The following CCDC170 variants were observed in gnomAD, a reference collection of about 807,000 sequenced individuals.
CCDC170 encodes the protein coiled-coil domain containing 170.
In CCDC170, 69 loss-of-function variants were observed where a neutral mutation model predicts 72.6. The observed-to-expected ratio is 0.95, with a 90% CI of 0.78 to 1.16. The LOEUF is 1.16. Ranked by LOEUF, CCDC170 falls within the 50% of genes most tolerant of loss-of-function variation. CCDC170 has a pLI of 0.00. For missense variants in CCDC170, 852 were observed against 832.5 expected (o/e 1.02, Z -0.29); for synonymous variants, 300 against 303.9 (o/e 0.99, Z 0.13).
At chr6:151,514,640 T>G (rs904175187) in intron 1 of CCDC170, among the ~76,000 whole-genome samples, 5 of 152,134 alleles carry the variant, frequency 3.3e-5, no homozygotes, top group Admixed American at 2.6e-4. Context: ...AATGTGGGTT[T>G]TGGCTGATAG....
At chr6:151,505,587 G>A (rs1477170872) in intron 1 of CCDC170, among the ~76,000 whole-genome samples, 1 of 152,114 alleles carries the variant, frequency 6.6e-6, no homozygotes, top group Non-Finnish European at 1.5e-5. Flanking sequence ...GGGAGGTTGA[G>A]GCAGGAGAAT....
At chr6:151,519,142 G>T (rs1222471352) in intron 1 of CCDC170, among the ~76,000 whole-genome samples, 1 of 152,096 alleles carries the variant, frequency 6.6e-6, no homozygotes, top group Admixed American at 6.6e-5. Flanking sequence ...TGAGGGTACT[G>T]CAAGAGACCA....
chr6:151,614,690 G>A (rs892220977), intron 9 of CCDC170, among the ~76,000 whole-genome samples: 5 of 149,838 alleles, frequency 3.3e-5, no homozygotes, highest in South Asian at 2.1e-4. Context: ...GGCTGATCTC[G>A]AACTCCTGAC....
intron 2 of CCDC170, among the ~76,000 whole-genome samples, chr6:151,537,690 G>T (rs1477355198): frequency 6.6e-6 from 1 of 152,166 alleles, no homozygotes; most frequent in Non-Finnish European, 1.5e-5. Context: ...ATGGTTTGTA[G>T]GTTCCTTGTC....
At chr6:151,502,102 T>C (rs1782002099) in intron 1 of CCDC170, among the ~76,000 whole-genome samples, 1 of 152,176 alleles carries the variant, frequency 6.6e-6, no homozygotes, top group African/African-American at 2.4e-5. Context: ...TGTTCAGATA[T>C]TGCTCATAAA....
At chr6:151,575,965 G>T (rs1776296345) in intron 6 of CCDC170, among the ~76,000 whole-genome samples, 1 of 152,150 alleles carries the variant, frequency 6.6e-6, no homozygotes, top group Non-Finnish European at 1.5e-5. Context: ...ACTTGAGAAA[G>T]AAAATGATTT....
At position 151,535,324 on chromosome 6, in the gene CCDC170, T is replaced by G. The variant is rs139726498; in HGVS notation, c.58-994T>G. 2.0e-4 allele frequency among the ~76,000 whole-genome samples: 30 copies of G among 152,294 alleles called. No individual in the cohort carries two copies. In the East Asian group the frequency reaches 5.4e-3, roughly 27 times the overall value. ...TTATTTCTGTATCTGCAACCACCAG[T>G]GGAGCTGAGACCTGTTCCCTTCCAG... On this transcript the variant is annotated intron_variant, in intron 1 of 10. Transcript: ENST00000239374.
At chr6:151,556,674 A>T (rs189435897) in intron 5 of CCDC170, among the ~76,000 whole-genome samples, 1 of 151,474 alleles carries the variant, frequency 6.6e-6, no homozygotes, top group African/African-American at 2.4e-5. Flanking sequence ...ATGTGTAAGG[A>T]TGAAGTCAAG....
intron 1 of CCDC170, among the ~76,000 whole-genome samples, chr6:151,500,433 A>C (rs1192306228): frequency 6.6e-6 from 1 of 152,070 alleles, no homozygotes; most frequent in Non-Finnish European, 1.5e-5. Context: ...AAAGAAATAC[A>C]AACATATCAG....
Position 151,616,472 on chromosome 6 carries a change from T to C in CCDC170, c.1947+793T>C, listed in dbSNP as rs554646036. On this transcript the variant is annotated intron_variant, in intron 10 of 10. Coordinates refer to ENST00000239374, the MANE Select transcript of CCDC170 (RefSeq NM_025059.4). ...GGACTCTGATCCTAGGATTTTTTTTTCCCTGCTTTGGCTGCCTCTGTTTTG... is the reference window on the plus strand; with the variant it reads ...GGACTCTGATCCTAGGATTTTTTTTCCCCTGCTTTGGCTGCCTCTGTTTTG... Among the ~76,000 whole-genome samples the C allele has an allele frequency of 9.3e-4, 141 of 152,136 alleles. 1 individual carries two copies. In the South Asian group the frequency reaches 0.013, roughly 14 times the overall value.
chr6:151,590,146 C>T (rs1776512965), intron 7 of CCDC170, among the ~76,000 whole-genome samples: 1 of 152,166 alleles, frequency 6.6e-6, no homozygotes, highest in Non-Finnish European at 1.5e-5. Context: ...CTTTTGCTCT[C>T]CAAGCAACAT....
chr6:151,509,213 T>TCTATCTATCTAC (rs1239312192), intron 1 of CCDC170, among the ~76,000 whole-genome samples: 48 of 123,144 alleles, frequency 3.9e-4, no homozygotes, highest in African/African-American at 6.1e-4. Flanking sequence ...GTCTCATCTA[T>TCTATCTATCTAC]CTATCTATGT....
chr6:151,513,619 A>G lies in CCDC170; in HGVS notation c.57+19434A>G, dbSNP rs1277664551. Among the ~76,000 whole-genome samples, 3 of 146,474 alleles carry G rather than the reference A, an allele frequency of 2.0e-5. No individual in the cohort carries two copies. The East Asian group carries it at 6.1e-4, about 30-fold the overall frequency. Reference sequence around the variant, plus strand: ...AGTGAGAGAGGCTCCGTCTCAAAAAAAAAAAAAAAAAAAAAAAGCCAGGCA... The same window carrying G: ...AGTGAGAGAGGCTCCGTCTCAAAAAGAAAAAAAAAAAAAAAAAGCCAGGCA... On this transcript the variant is annotated intron_variant, in intron 1 of 10. Transcript: ENST00000239374.
In CCDC170 at chr6:151,596,432, C is replaced by A. The variant is rs369246635; in HGVS notation, c.1565C>A (p.Thr522Lys). ...CTGGAGGAGGAGAAGCAGGCACGCA[C>A]GGCCTTGGTGGTTGAGAGGGACAAC... Reference protein sequence around the residue: ...AQLEEEKQARTALVVERDNAH... With the variant: ...AQLEEEKQARKALVVERDNAH... Residue 522 changes from threonine (T) to lysine (K), a missense_variant, in exon 9 of 11, where the codon ACG (threonine) becomes AAG (lysine). By Grantham distance (78) the Thr-to-Lys change is moderately conservative. Transcript: ENST00000239374. 6.2e-7 allele frequency: 1 copy of A among 1,614,084 alleles called. No homozygotes were observed. The highest frequency in any genetic ancestry group is 2.2e-5 in the East Asian group (1 of 44,872).
chr6:151,618,482 T>A lies in CCDC170; in HGVS notation c.*335T>A. ...TTACTAGCCGATTTAGTTCTCACAATAACCATGTGGAGAAGCTGTGACATT... is the reference window on the plus strand; with the variant it reads ...TTACTAGCCGATTTAGTTCTCACAAAAACCATGTGGAGAAGCTGTGACATT... On this transcript the variant is annotated 3_prime_UTR_variant, in exon 11 of 11. Transcript: ENST00000239374. The A allele has an allele frequency of 3.7e-6, 1 of 270,858 alleles. No homozygotes were observed. Among genetic ancestry groups the A allele is most frequent in the Admixed American group, 4.9e-5 (1 of 20,572 alleles). The allele number at this position is 270,858 out of a possible 1,614,324, so 16.8% of individuals were successfully genotyped here. A position where few individuals can be genotyped will look rare whatever the true frequency, so the allele number is the denominator to read the frequency against.
intron 1 of CCDC170, among the ~76,000 whole-genome samples, chr6:151,505,363 C>T (rs899821396): frequency 2.6e-5 from 4 of 152,112 alleles, no homozygotes; most frequent in Non-Finnish European, 4.4e-5. Context: ...GGGTCCCATA[C>T]GGATTGTTCT....
chr6:151,502,715 T>C (rs1486816857), intron 1 of CCDC170, among the ~76,000 whole-genome samples: 1 of 152,252 alleles, frequency 6.6e-6, no homozygotes, highest in Non-Finnish European at 1.5e-5. Flanking sequence ...TTCTGCTTAG[T>C]GAATCATACA....
chr6:151,578,744 G>A (rs955714587), intron 6 of CCDC170, among the ~76,000 whole-genome samples: 1 of 152,214 alleles, frequency 6.6e-6, no homozygotes, highest in African/African-American at 2.4e-5. Flanking sequence ...GGATTTGGTC[G>A]ACACTTTCTA....
chr6:151,594,436 T>C (rs532952805), intron 8 of CCDC170, among the ~76,000 whole-genome samples: 64 of 152,346 alleles, frequency 4.2e-4, no homozygotes, highest in African/African-American at 1.4e-3. Flanking sequence ...TCCACTACCA[T>C]ATCTTGAGGA....
Sources: allele counts gnomAD v4.1 joint callset (sites outside exome capture counted in the v4.1 genomes callset), GRCh38; gene constraint gnomAD v4.1.1; transcripts MANE v1.5; gene names NCBI Gene and HGNC (gene_info 2026-07-23, HGNC 2026-07-21).